Variants in FREM2 observed in about 807,000 individuals in gnomAD.
The protein encoded by FREM2 is FRAS1-related extracellular matrix protein 2.
FREM2 carries 119 observed loss-of-function variants against 219.9 expected under a neutral mutation model. That is an observed-to-expected ratio of 0.54 (90% confidence interval 0.47 to 0.63). FREM2 has a LOEUF of 0.63. Among genes scored for constraint, FREM2 ranks in the 30% least tolerant of loss-of-function variants. The pLI is 0.00. For synonymous variants in FREM2, 1,562 were observed against 1,522.8 expected, an observed-to-expected ratio of 1.03 and a Z score of -0.60; for missense variants, 4,030 against 3,993.6, an observed-to-expected ratio of 1.01 and a Z score of -0.25.
intron 6 of FREM2, among the ~76,000 whole-genome samples, chr13:38,796,631 A>G (rs1874796629): frequency 6.6e-6 from 1 of 152,268 alleles, no homozygotes; most frequent in South Asian, 2.1e-4. Flanking sequence ...TTGCTTGTGA[A>G]TTCATAAGTA....
intron 15 of FREM2, among the ~76,000 whole-genome samples, chr13:38,862,551 A>G (rs779785479): frequency 3.3e-4 from 50 of 152,328 alleles, no homozygotes; most frequent in Middle Eastern, 3.4e-3. Flanking sequence ...TCAATGTTCA[A>G]TAGCCACAGT....
chr13:38,807,240 T>TTTTGTTTTG (rs1875283215), intron 6 of FREM2, among the ~76,000 whole-genome samples: 1 of 135,048 alleles, frequency 7.4e-6, no homozygotes. Flanking sequence ...TATGGTTTTG[T>TTTTGTTTTG]TTTGTTTTGT....
At chr13:38,774,409 A>C (rs1417595023) in intron 4 of FREM2, among the ~76,000 whole-genome samples, 4 of 152,168 alleles carry the variant, frequency 2.6e-5, no homozygotes, top group African/African-American at 9.7e-5. Flanking sequence ...CTTGAAGTTA[A>C]TCATATAATT....
chr13:38,788,456 T>G (rs1874421835), intron 6 of FREM2, among the ~76,000 whole-genome samples: 1 of 152,162 alleles, frequency 6.6e-6, no homozygotes, highest in Non-Finnish European at 1.5e-5. Flanking sequence ...GAGACCACCT[T>G]ACTGACTAAA....
chr13:38,754,263 T>C (rs1036800116), intron 2 of FREM2, among the ~76,000 whole-genome samples: 4 of 152,180 alleles, frequency 2.6e-5, no homozygotes, highest in African/African-American at 7.2e-5. Context: ...TACCCTTTGC[T>C]TTGTCACATA....
intron 6 of FREM2, among the ~76,000 whole-genome samples, chr13:38,825,628 G>A (rs1181158735): frequency 1.3e-5 from 2 of 152,106 alleles, no homozygotes; most frequent in Non-Finnish European, 2.9e-5. Context: ...TCAGCTATTA[G>A]AATGAAAATG....
chr13:38,687,077 A>G lies in FREM2; in HGVS notation c.-268A>G. The stretch of plus-strand genomic sequence containing the variant: ...CCCAGGGTCCGGGGACCTGGAAAGT[A>G]GAAGTGGAGGGATTCAATTCTCCGC... On this transcript the variant is annotated 5_prime_UTR_variant, in exon 1 of 24. Coordinates refer to ENST00000280481, the MANE Select transcript of FREM2 (RefSeq NM_207361.6). The G allele has an allele frequency of 3.6e-6, 2 of 562,584 alleles. No individual in the cohort carries two copies. The highest frequency in any genetic ancestry group is 2.9e-5 in the East Asian group (1 of 33,946). The allele number at this position is 562,584 out of a possible 1,614,324, so 34.8% of individuals were successfully genotyped here. A position where few individuals can be genotyped will look rare whatever the true frequency, so the allele number is the denominator to read the frequency against.
chr13:38,801,678 G>A (rs1875013986), intron 6 of FREM2, among the ~76,000 whole-genome samples: 1 of 152,154 alleles, frequency 6.6e-6, no homozygotes, highest in Non-Finnish European at 1.5e-5. Context: ...GATGCTCTGG[G>A]AACTAGGATG....
rs140937193 is a variant in FREM2, at chr13:38,878,877, T to A, written c.8906T>A (p.Leu2969Gln). 1 of 1,614,162 alleles carries A rather than the reference T, an allele frequency of 6.2e-7. No homozygotes were observed. The highest frequency in any genetic ancestry group is 8.5e-7 in the Non-Finnish European group (1 of 1,179,984). The change falls in exon 23 of 24, where the codon CTA (leucine) becomes CAA (glutamine). Residue 2969 changes from leucine (L) to glutamine (Q), a missense_variant. Transcript: ENST00000280481. The stretch of plus-strand genomic sequence containing the variant: ...CAAGCGACCAGTTTTGGAAATGTCC[T>A]ATTTAATGCCAAACTAGCAGTGGAT... The part of the protein sequence containing the change: ...ETQATSFGNV[L>Q]FNAKLAVDDP...
chr13:38,861,991 A>G (rs1877778197), intron 15 of FREM2, among the ~76,000 whole-genome samples: 1 of 152,236 alleles, frequency 6.6e-6, no homozygotes. Context: ...AGATATTTAA[A>G]TAAAATAAAA....
intron 11 of FREM2, among the ~76,000 whole-genome samples, chr13:38,852,814 C>T (rs1315307675): frequency 6.6e-6 from 1 of 151,502 alleles, no homozygotes; most frequent in African/African-American, 2.4e-5. Context: ...AAGCGATCCT[C>T]CCACCTCAGC....
At chr13:38,765,827 C>T (rs1397479014) in intron 3 of FREM2, among the ~76,000 whole-genome samples, 1 of 152,142 alleles carries the variant, frequency 6.6e-6, no homozygotes, top group Non-Finnish European at 1.5e-5. Flanking sequence ...CCCCCAGCCT[C>T]TGCTTCCATC....
At position 38,861,381 on chromosome 13, in the gene FREM2, A is replaced by G. The variant is rs150920693; in HGVS notation, c.7520-50A>G. 3.1e-3 allele frequency: 4,872 copies of G among 1,580,762 alleles called. 109 individuals are homozygous for G. In the Admixed American group the frequency reaches 0.045, roughly 15 times the overall value. On this transcript the variant is annotated intron_variant, in intron 14 of 23. Transcript: ENST00000280481. Reference sequence around the variant, plus strand: ...CTATTTTCTAAAACATTCTTTAGGTATTATTGATTACCTTCTTTTCGCATA... The same window carrying G: ...CTATTTTCTAAAACATTCTTTAGGTGTTATTGATTACCTTCTTTTCGCATA...
chr13:38,831,613 AT>A (rs58656821), intron 6 of FREM2, among the ~76,000 whole-genome samples: 2 of 143,174 alleles, frequency 1.4e-5, no homozygotes, highest in Non-Finnish European at 1.5e-5. Context: ...TTTAACTTCA[AT>A]TTTTTTTTTT....
intron 16 of FREM2, among the ~76,000 whole-genome samples, chr13:38,870,006 C>T (rs1469824068): frequency 6.6e-6 from 1 of 152,136 alleles, no homozygotes; most frequent in East Asian, 1.9e-4. Flanking sequence ...AGAAATGCAA[C>T]CCCAATCACA....
rs73461852 is a variant in FREM2, at chr13:38,763,549, T to C, written c.5264-755T>C. On this transcript the variant is annotated intron_variant, in intron 2 of 23. Coordinates refer to ENST00000280481, the MANE Select transcript of FREM2 (RefSeq NM_207361.6). ...TTGTAAACCTCACCTTACTCTGAAA[T>C]AATTGGTGTAGATCAAAGGAAGTAG... 3.9e-3 allele frequency among the ~76,000 whole-genome samples: 570 copies of C among 144,896 alleles called. 7 individuals carry two copies. Among genetic ancestry groups the C allele is most frequent in the African/African-American group, 0.014 (548 of 39,902 alleles).
intron 6 of FREM2, among the ~76,000 whole-genome samples, chr13:38,830,315 A>T (rs1021879154): frequency 1.3e-5 from 2 of 152,198 alleles, no homozygotes; most frequent in Non-Finnish European, 2.9e-5. Flanking sequence ...CCACTTTGAT[A>T]CTGTCCTTCA....
chr13:38,832,905 C>T (rs542670696), intron 6 of FREM2, among the ~76,000 whole-genome samples: 85 of 152,052 alleles, frequency 5.6e-4, no homozygotes, highest in Non-Finnish European at 8.4e-4. Flanking sequence ...TGGGTGTGGT[C>T]ATGCACGCTT....
chr13:38,722,102 C>T (rs1871294236), intron 2 of FREM2, among the ~76,000 whole-genome samples: 1 of 152,120 alleles, frequency 6.6e-6, no homozygotes, highest in Non-Finnish European at 1.5e-5. Flanking sequence ...TCACTGTAAA[C>T]TTGAACTCCT....
Sources: gnomAD v4.1 joint callset for allele counts (sites outside exome capture counted in the v4.1 genomes callset) on GRCh38, gnomAD v4.1.1 for gene constraint, MANE v1.5 for transcripts, NCBI Gene and HGNC (gene_info 2026-07-23, HGNC 2026-07-21) for gene names.